The following FAR2 variants were observed in gnomAD, a reference collection of about 807,000 sequenced individuals.
The protein encoded by FAR2 is fatty acyl-CoA reductase 2.
Under a neutral mutation model 56.0 loss-of-function variants are expected in FAR2, and 19 were observed. The ratio of observed to expected loss-of-function variants is 0.34; its 90% confidence interval spans 0.24 to 0.50. FAR2 has a LOEUF of 0.50. Ranked by LOEUF, FAR2 falls within the 20% of genes least tolerant of loss-of-function variation. The pLI is 0.98. For missense variants in FAR2, 508 were observed against 642.2 expected, an observed-to-expected ratio of 0.79 and a Z score of 2.26; for synonymous variants, 219 against 218.8, an observed-to-expected ratio of 1.00 and a Z score of -0.01.
chr12:29,183,385 ACTC>A (rs780952176), intron 1 of FAR2, among the ~76,000 whole-genome samples: 7 of 151,676 alleles, frequency 4.6e-5, no homozygotes, highest in Non-Finnish European at 8.8e-5. Flanking sequence ...AATCCAAACA[ACTC>A]CTCTCTATTC....
intron 8 of FAR2, 34 bp from the exon 9 acceptor site, chr12:29,316,807 T>G: frequency 3.1e-6 from 5 of 1,607,264 alleles, no homozygotes; most frequent in Non-Finnish European, 4.3e-6. Flanking sequence ...TATTCTCCTT[T>G]TCTCCTCTAG....
intron 4 of FAR2, among the ~76,000 whole-genome samples, chr12:29,304,887 T>A (rs914246559): frequency 3.3e-5 from 5 of 152,114 alleles, no homozygotes; most frequent in Non-Finnish European, 7.4e-5. Context: ...TGTATTTTGG[T>A]TTATATGTGT....
chr12:29,248,386 G>T (rs145272327), intron 1 of FAR2, among the ~76,000 whole-genome samples: 1 of 152,030 alleles, frequency 6.6e-6, no homozygotes, highest in Non-Finnish European at 1.5e-5. Flanking sequence ...ATCACATGTC[G>T]GTAGGTTCCG....
At chr12:29,164,760 G>A (rs961840252) in intron 1 of FAR2, among the ~76,000 whole-genome samples, 2 of 152,150 alleles carry the variant, frequency 1.3e-5, no homozygotes, top group Admixed American at 1.3e-4. Flanking sequence ...CTGTTCGTGT[G>A]ATGAGTCTCC....
chr12:29,257,579 G>T (rs1335384088), intron 1 of FAR2, among the ~76,000 whole-genome samples: 1 of 152,118 alleles, frequency 6.6e-6, no homozygotes. Flanking sequence ...GCCTTTATGA[G>T]CTGTAACACT....
At chr12:29,185,793 G>A in intron 1 of FAR2, among the ~76,000 whole-genome samples, 1 of 152,018 alleles carries the variant, frequency 6.6e-6, no homozygotes, top group East Asian at 1.9e-4. Flanking sequence ...TGAGTGGGTG[G>A]GACCTAGAAA....
At chr12:29,304,022 AC>A (rs1452888180) in intron 4 of FAR2, among the ~76,000 whole-genome samples, 2 of 152,192 alleles carry the variant, frequency 1.3e-5, no homozygotes, top group Non-Finnish European at 2.9e-5. Flanking sequence ...GCTCAGAAAT[AC>A]CCTGCTTCCC....
chr12:29,163,798 T>G (rs2136580105), intron 1 of FAR2, among the ~76,000 whole-genome samples: 1 of 152,342 alleles, frequency 6.6e-6, no homozygotes, highest in South Asian at 2.1e-4. Flanking sequence ...ATTTCCATCA[T>G]TTTATTTCAG....
intron 2 of FAR2, among the ~76,000 whole-genome samples, chr12:29,271,836 G>A (rs1257665959): frequency 1.3e-5 from 2 of 152,094 alleles, no homozygotes; most frequent in East Asian, 3.9e-4. Flanking sequence ...TGTGAAGTAA[G>A]AACCATTACT....
At chr12:29,249,731 G>A (rs1948178447) in intron 1 of FAR2, among the ~76,000 whole-genome samples, 1 of 152,108 alleles carries the variant, frequency 6.6e-6, no homozygotes, top group Non-Finnish European at 1.5e-5. Context: ...TATCAAGTAA[G>A]CAGATTATTT....
chr12:29,323,859 C>G (rs12301257), intron 10 of FAR2, among the ~76,000 whole-genome samples: 1 of 152,138 alleles, frequency 6.6e-6, no homozygotes, highest in Non-Finnish European at 1.5e-5. Flanking sequence ...TCCAAAGGAA[C>G]GCAGCTCCTC....
At chr12:29,214,828 AATG>A (rs1412822719) in intron 1 of FAR2, among the ~76,000 whole-genome samples, 2 of 147,114 alleles carry the variant, frequency 1.4e-5, no homozygotes, top group Non-Finnish European at 2.9e-5. Context: ...CTGAAAATAA[AATG>A]ATAATAATAA....
At chr12:29,196,358 T>A (rs898971290) in intron 1 of FAR2, among the ~76,000 whole-genome samples, 80 of 152,296 alleles carry the variant, frequency 5.3e-4, no homozygotes, top group Admixed American at 1.4e-3. Context: ...CTGTTATTTT[T>A]TGACTTTTTA....
Position 29,300,024 on chromosome 12 carries a change from A to G in FAR2, c.545+2824A>G, listed in dbSNP as rs1449584634. 2.6e-5 allele frequency among the ~76,000 whole-genome samples: 4 copies of G among 152,340 alleles called. No individual in the cohort carries two copies. The South Asian group carries it at 8.3e-4, about 32-fold the overall frequency. On this transcript the variant is annotated intron_variant, in intron 4 of 11. Transcript: ENST00000536681. ...ACAATGAGCTTCTCAACAGAAGAGA[A>G]TATTTCTTGCTCCTCTTTGCATCTC...
At chr12:29,205,704 C>G (rs1242222350) in intron 1 of FAR2, among the ~76,000 whole-genome samples, 1 of 152,162 alleles carries the variant, frequency 6.6e-6, no homozygotes, top group Non-Finnish European at 1.5e-5. Context: ...CAAGAAGCAT[C>G]CTTGATGTCT....
intron 1 of FAR2, among the ~76,000 whole-genome samples, chr12:29,170,737 T>G (rs1949877570): frequency 1.1e-5 from 1 of 94,898 alleles, no homozygotes. Flanking sequence ...CTCCTCTTTG[T>G]CTCTGTCTCT....
intron 1 of FAR2, among the ~76,000 whole-genome samples, chr12:29,160,113 C>A (rs1178389059): frequency 6.6e-6 from 1 of 152,158 alleles, no homozygotes; most frequent in East Asian, 1.9e-4. Context: ...ATGACCAGAA[C>A]AACATGGGGT....
intron 2 of FAR2, among the ~76,000 whole-genome samples, chr12:29,271,243 A>C (rs1251530805): frequency 6.6e-6 from 1 of 152,228 alleles, no homozygotes; most frequent in East Asian, 1.9e-4. Flanking sequence ...CTCGGAAAAA[A>C]AAGACATTAT....
In FAR2 at chr12:29,155,295, T is replaced by A. The variant is rs139209786; in HGVS notation, c.-39+5888T>A. On this transcript the variant is annotated intron_variant, in intron 1 of 11. Transcript: ENST00000536681. ...AGCCATCCCCTGCAGGGCAATACAGTGTGACTACATAGGGCATCTGTAGGA... is the reference window on the plus strand; with the variant it reads ...AGCCATCCCCTGCAGGGCAATACAGAGTGACTACATAGGGCATCTGTAGGA... Among the ~76,000 whole-genome samples, 178 of 152,320 alleles carry A rather than the reference T, an allele frequency of 1.2e-3. 4 individuals are homozygous for A. The East Asian group carries it at 0.026, about 22-fold the overall frequency.
Sources: allele counts gnomAD v4.1 joint callset (sites outside exome capture counted in the v4.1 genomes callset), GRCh38; gene constraint gnomAD v4.1.1; transcripts MANE v1.5; gene names NCBI Gene and HGNC (gene_info 2026-07-23, HGNC 2026-07-21).